SEC24C: variants seen among roughly 807,000 people sequenced by gnomAD.
The protein encoded by SEC24C is SEC24 homolog C, COPII component.
In SEC24C, 22 loss-of-function variants were observed where a neutral mutation model predicts 117.0. That is an observed-to-expected ratio of 0.19 (90% confidence interval 0.13 to 0.27). The LOEUF is 0.27. Ranked by LOEUF, SEC24C falls within the 10% of genes least tolerant of loss-of-function variation. The pLI is 1.00. For synonymous variants in SEC24C, 506 were observed against 529.4 expected, an observed-to-expected ratio of 0.96 and a Z score of 0.61; for missense variants, 1,155 against 1,375.1, an observed-to-expected ratio of 0.84 and a Z score of 2.53.
chr10:73,759,159 G>A (rs2082756762), intron 3 of SEC24C, among the ~76,000 whole-genome samples: 1 of 151,668 alleles, frequency 6.6e-6, no homozygotes, highest in Non-Finnish European at 1.5e-5. Flanking sequence ...TCACACCACT[G>A]CACTTCAGCC....
At chr10:73,762,735 T>C (rs138075424) in intron 6 of SEC24C, among the ~76,000 whole-genome samples, 1 of 152,198 alleles carries the variant, frequency 6.6e-6, no homozygotes, top group African/African-American at 2.4e-5. Context: ...TGCCCTTTGC[T>C]TTTTCTGGTT....
In SEC24C at chr10:73,763,530, A is replaced by G. The variant is rs771845248; in HGVS notation, c.1028A>G (p.Glu343Gly). 5.6e-6 allele frequency: 9 copies of G among 1,613,832 alleles called. No homozygotes were observed. In the East Asian group the frequency reaches 2.0e-4, roughly 36 times the overall value. ...IEDDRNNRGTEPFVTGVRGQV... is the reference protein window; with the variant it reads ...IEDDRNNRGTGPFVTGVRGQV... The stretch of plus-strand genomic sequence containing the variant: ...GATGACAGGAACAACCGGGGTACAG[A>G]GCCATTTGTTACTGGAGTACGGGGC... Residue 343 changes from glutamate to glycine, a missense_variant, in exon 7 of 23, where the codon GAG becomes GGG. Glu to Gly is a moderately conservative substitution (Grantham distance 98). Around this residue, in one of 2 missense-constraint regions of SEC24C, gnomAD observed 759 missense variants for 992.3 expected, o/e 0.76. Transcript: ENST00000345254.
chr10:73,748,008 T>C (rs921494455), intron 2 of SEC24C, among the ~76,000 whole-genome samples: 2 of 152,004 alleles, frequency 1.3e-5, no homozygotes, highest in Non-Finnish European at 2.9e-5. Flanking sequence ...GCCAGGAAGG[T>C]CTTGAAGAAC....
chr10:73,757,095 G>A (rs2082720939), intron 3 of SEC24C, among the ~76,000 whole-genome samples: 1 of 148,188 alleles, frequency 6.7e-6, no homozygotes, highest in Non-Finnish European at 1.5e-5. Context: ...TATTTTTTTA[G>A]TAGAGATGGA....
intron 14 of SEC24C, among the ~76,000 whole-genome samples, chr10:73,767,524 C>G (rs1250696819): frequency 6.6e-6 from 1 of 151,994 alleles, no homozygotes; most frequent in Non-Finnish European, 1.5e-5. Context: ...AAAAATTAGC[C>G]AGGTGTGGTG....
At position 73,771,904 on chromosome 10, in the gene SEC24C, G is replaced by A; in HGVS notation, c.*809G>A. On this transcript the variant is annotated 3_prime_UTR_variant, in exon 23 of 23. Transcript: ENST00000345254. ...TGCTTCTCCAGGCCCGGGGTTGTTG[G>A]GGAGAGAGGCAGAGGCAGCTGGAGC... 1 of 165,036 alleles carries A rather than the reference G, an allele frequency of 6.1e-6. No individual in the cohort carries two copies. 10.2% of individuals were successfully genotyped at this position (165,036 alleles called of 1,614,324 possible).
In SEC24C at chr10:73,760,201, G is replaced by A. The variant is rs147121844; in HGVS notation, c.665G>A (p.Arg222Gln). 2,627 of 1,614,086 alleles carry A rather than the reference G, an allele frequency of 1.6e-3. 3 individuals are homozygous for A. Among genetic ancestry groups the A allele is most frequent in the Non-Finnish European group, 2.1e-3 (2,427 of 1,180,014 alleles). Residue 222 changes from arginine (R) to glutamine (Q), a missense_variant, in exon 5 of 23, where the codon CGG becomes CAG. By Grantham distance (43) the Arg-to-Gln change is conservative. This residue lies in a region of SEC24C where 396 missense variants were observed against 382.8 expected (regional missense o/e 1.03). Coordinates refer to ENST00000345254, the MANE Select transcript of SEC24C (RefSeq NM_198597.3). ...ACACCCCCAGCTTCAGGGGGTCCTC[G>A]GCTGCCTTCGATGACTGGTCCACTC... is the stretch of plus-strand genomic sequence containing the variant. ...SFTPPASGGP[R>Q]LPSMTGPLLP...
chr10:73,759,172 G>A (rs535421431), intron 3 of SEC24C, among the ~76,000 whole-genome samples: 1 of 152,096 alleles, frequency 6.6e-6, no homozygotes, highest in East Asian at 1.9e-4. Flanking sequence ...CTTCAGCCTG[G>A]GTGGCAGAGT....
intron 7 of SEC24C, 66 bp downstream of exon 7, chr10:73,763,667 C>CT (rs71021569): frequency 0.018 from 1,074 of 60,364 alleles, 74 homozygotes; most frequent in African/African-American, 0.061. Flanking sequence ...ATGGTTGGGG[C>CT]TTTTTTTTTT....
Position 73,769,128 on chromosome 10 carries a change from T to G in SEC24C, c.2400T>G (p.Asn800Lys). 1.2e-6 allele frequency: 2 copies of G among 1,614,124 alleles called. No individual in the cohort carries two copies. Among genetic ancestry groups the G allele is most frequent in the Non-Finnish European group, 1.7e-6 (2 of 1,180,026 alleles). ...AGTTCAAGCATGACGATCGGCTCAA[T>G]GAAGAGAGCGGAGCTCTCCTGCAGG... Reference protein sequence around the residue: ...TVEFKHDDRLNEESGALLQCA... With the variant: ...TVEFKHDDRLKEESGALLQCA... Residue 800 changes from asparagine to lysine, a missense_variant, in exon 17 of 23, where the codon AAT (asparagine) becomes AAG (lysine). Physicochemically the swap from Asn to Lys is moderately conservative, Grantham distance 94. Transcript: ENST00000345254. The surrounding 1 kb of genome is among the most constrained non-coding windows in gnomAD (Gnocchi z 4.5).
intron 15 of SEC24C, among the ~76,000 whole-genome samples, chr10:73,768,325 C>T (rs559318933): frequency 5.3e-5 from 8 of 152,126 alleles, no homozygotes; most frequent in Non-Finnish European, 1.0e-4. Context: ...TGTGGTGAGC[C>T]GAGATTGCGC....
intron 3 of SEC24C, among the ~76,000 whole-genome samples, chr10:73,755,857 T>G (rs2082702203): frequency 6.8e-6 from 1 of 145,992 alleles, no homozygotes; most frequent in Admixed American, 6.9e-5. Flanking sequence ...CTGAAAATCT[T>G]TTTTTTTTTT....
chr10:73,757,263 G>C (rs1378529562), intron 3 of SEC24C, among the ~76,000 whole-genome samples: 3 of 142,848 alleles, frequency 2.1e-5, no homozygotes, highest in African/African-American at 2.6e-5. Flanking sequence ...GCTCATGCCT[G>C]TAGTAATCTC....
intron 8 of SEC24C, among the ~76,000 whole-genome samples, chr10:73,764,701 A>G (rs2082854098): frequency 6.6e-6 from 1 of 152,152 alleles, no homozygotes; most frequent in Non-Finnish European, 1.5e-5. Context: ...GAGAAAAGGT[A>G]GATTAGGATC....
intron 6 of SEC24C, among the ~76,000 whole-genome samples, chr10:73,762,740 CT>C (rs922461680): frequency 1.3e-5 from 2 of 152,196 alleles, no homozygotes; most frequent in Non-Finnish European, 2.9e-5. Context: ...TTTGCTTTTT[CT>C]GGTTTTCCAA....
Position 73,764,573 on chromosome 10 carries a change from C to T in SEC24C, c.1227+590C>T, listed in dbSNP as rs77595205. On this transcript the variant is annotated intron_variant, in intron 8 of 22. Transcript: ENST00000345254. ...TAGGGCCAAATTGTAGGGGAGAAGACAGCTGAATGTAGGAACCTCTCGTAT... is the reference window on the plus strand; with the variant it reads ...TAGGGCCAAATTGTAGGGGAGAAGATAGCTGAATGTAGGAACCTCTCGTAT... Among the ~76,000 whole-genome samples the T allele has an allele frequency of 4.2e-3, 634 of 151,346 alleles. 7 individuals carry two copies. Among genetic ancestry groups the T allele is most frequent in the African/African-American group, 0.014 (586 of 41,242 alleles).
At position 73,746,493 on chromosome 10, in the gene SEC24C, A is replaced by C. The variant is rs141888200; in HGVS notation, c.-28-312A>C. On this transcript the variant is annotated intron_variant, in intron 1 of 22. Transcript: ENST00000345254. ...AGTTCATCAGCCACAAGACTGTGTG[A>C]CTAGACACTAGAAATCATACCACTG... 4.1e-3 allele frequency: 841 copies of C among 202,830 alleles called. 7 individuals are homozygous for C. Among genetic ancestry groups the C allele is most frequent in the African/African-American group, 0.019 (807 of 43,474 alleles). 12.6% of individuals were successfully genotyped at this position (202,830 alleles called of 1,614,324 possible). A position where few individuals can be genotyped will look rare whatever the true frequency, so the allele number is the denominator to read the frequency against.
chr10:73,761,216 G>A (rs1484251445), intron 6 of SEC24C, among the ~76,000 whole-genome samples: 1 of 152,162 alleles, frequency 6.6e-6, no homozygotes, highest in Non-Finnish European at 1.5e-5. Context: ...TCTTCCTAAT[G>A]GGTAGAGCAG....
chr10:73,768,947 G>C, intron 16 of SEC24C, 41 bp downstream of exon 16: 1 of 1,614,200 alleles, frequency 6.2e-7, no homozygotes, highest in Non-Finnish European at 8.5e-7. Flanking sequence ...GCTAAATATG[G>C]AAGGGAGGCA....
Sources: gnomAD v4.1 joint callset for allele counts (sites outside exome capture counted in the v4.1 genomes callset) on GRCh38, gnomAD v4.1.1 for gene constraint, gnomAD v4.1.1 regional missense constraint, Gnocchi (gnomAD v3.1) non-coding constraint, MANE v1.5 for transcripts, NCBI Gene and HGNC (gene_info 2026-07-23, HGNC 2026-07-21) for gene names.